Variants in EPB41L2 observed in about 807,000 individuals in gnomAD.
The protein encoded by EPB41L2 is erythrocyte membrane protein band 4.1 like 2.
Under a neutral mutation model 113.0 loss-of-function variants are expected in EPB41L2, and 43 were observed. The observed-to-expected ratio is 0.38, with a 90% CI of 0.30 to 0.49. The LOEUF (loss-of-function observed/expected upper bound fraction) is 0.49, where lower values mean the gene tolerates loss of function less well. Among genes scored for constraint, EPB41L2 ranks in the 20% least tolerant of loss-of-function variants. The pLI, the probability that EPB41L2 is intolerant of heterozygous loss-of-function variation, is 0.95. For synonymous variants in EPB41L2, 442 were observed against 436.7 expected (o/e 1.01, Z -0.15); for missense variants, 1,147 against 1,223.4 (o/e 0.94, Z 0.93).
At chr6:130,965,326 G>A (rs1584030479) in intron 1 of EPB41L2, among the ~76,000 whole-genome samples, 1 of 152,092 alleles carries the variant, frequency 6.6e-6, no homozygotes, top group Non-Finnish European at 1.5e-5. Context: ...AGTTTGAAAA[G>A]CAGCCACGAT....
At chr6:130,899,460 A>G in intron 8 of EPB41L2, 31 bp downstream of exon 8, 1 of 1,577,468 alleles carries the variant, frequency 6.3e-7, no homozygotes, top group Non-Finnish European at 8.7e-7. Flanking sequence ...ACAGACTACT[A>G]TGATGCTACT....
chr6:130,908,718 G>T, intron 5 of EPB41L2, 103 bp downstream of exon 5: 1 of 808,272 alleles, frequency 1.2e-6, no homozygotes, highest in East Asian at 2.7e-5. Context: ...TTCTAAGATG[G>T]CATAAATGCA....
intron 1 of EPB41L2, among the ~76,000 whole-genome samples, chr6:130,961,864 A>C (rs1343711236): frequency 6.6e-6 from 1 of 152,240 alleles, no homozygotes; most frequent in East Asian, 1.9e-4. Context: ...AGCTTCAAAA[A>C]TGGTAGCAAG....
chr6:130,909,542 C>G (rs1798711061), intron 4 of EPB41L2, among the ~76,000 whole-genome samples: 1 of 152,174 alleles, frequency 6.6e-6, no homozygotes, highest in South Asian at 2.1e-4. Flanking sequence ...CCAGGCCAAT[C>G]AGGCAAGAGA....
At chr6:130,898,371 G>C (rs1795271165) in intron 8 of EPB41L2, among the ~76,000 whole-genome samples, 1 of 152,158 alleles carries the variant, frequency 6.6e-6, no homozygotes, top group African/African-American at 2.4e-5. Context: ...AGCTTTCCTA[G>C]AGATTTCTCA....
chr6:130,873,466 G>GT (rs34408511), intron 14 of EPB41L2, among the ~76,000 whole-genome samples: 88 of 147,816 alleles, frequency 6.0e-4, no homozygotes, highest in African/African-American at 7.7e-4. Context: ...CACTATTCAG[G>GT]TTTTTTTTTT....
At chr6:131,030,420 A>G (rs1440663715) in intron 1 of EPB41L2, among the ~76,000 whole-genome samples, 2 of 152,230 alleles carry the variant, frequency 1.3e-5, no homozygotes, top group African/African-American at 2.4e-5. Flanking sequence ...TAAAAGACTC[A>G]TATATCTTCT....
At chr6:131,002,651 T>TA (rs1405671904) in intron 1 of EPB41L2, among the ~76,000 whole-genome samples, 3 of 152,264 alleles carry the variant, frequency 2.0e-5, no homozygotes, top group Non-Finnish European at 4.4e-5. Flanking sequence ...ATGGATTTAT[T>TA]AGTTTTAATA....
intron 1 of EPB41L2, among the ~76,000 whole-genome samples, chr6:131,033,647 T>G (rs1417804852): frequency 6.6e-6 from 1 of 152,190 alleles, no homozygotes; most frequent in Non-Finnish European, 1.5e-5. Context: ...ATGAATGAAT[T>G]TTGAAAACAC....
chr6:130,971,082 T>A (rs1241087540), intron 1 of EPB41L2, among the ~76,000 whole-genome samples: 1 of 152,046 alleles, frequency 6.6e-6, no homozygotes, highest in Non-Finnish European at 1.5e-5. Context: ...TTTGTAGAGA[T>A]AGAGTCTCAC....
At chr6:130,994,916 G>A (rs1782716172) in intron 1 of EPB41L2, among the ~76,000 whole-genome samples, 1 of 152,112 alleles carries the variant, frequency 6.6e-6, no homozygotes, top group Admixed American at 6.5e-5. Context: ...ATCTACCTAT[G>A]ACCAGGAAGC....
At chr6:131,022,682 G>A (rs946558968) in intron 1 of EPB41L2, among the ~76,000 whole-genome samples, 3 of 152,152 alleles carry the variant, frequency 2.0e-5, no homozygotes, top group Non-Finnish European at 4.4e-5. Context: ...CACTGTGCCA[G>A]GTAAGTAAAC....
chr6:130,953,064 TGAAGAAACTGAGGTCTACA>T (rs1214430666), intron 3 of EPB41L2, among the ~76,000 whole-genome samples: 3 of 150,344 alleles, frequency 2.0e-5, no homozygotes, highest in Admixed American at 1.3e-4. Context: ...ATTCTACAGA[TGAAGAAACTGAGGTCTACA>T]GAGGTTGAGC....
intron 1 of EPB41L2, among the ~76,000 whole-genome samples, chr6:130,983,508 A>G (rs1584259946): frequency 6.6e-6 from 1 of 150,668 alleles, no homozygotes; most frequent in Non-Finnish European, 1.5e-5. Flanking sequence ...ACACTTGTAC[A>G]CTACTATAGA....
intron 1 of EPB41L2, among the ~76,000 whole-genome samples, chr6:130,983,147 TA>T (rs771882437): frequency 6.6e-6 from 1 of 152,182 alleles, no homozygotes; most frequent in Non-Finnish European, 1.5e-5. Context: ...TCTAGTACCA[TA>T]AAGTTCTCAA....
chr6:130,881,812 T>A (rs1009776470), intron 12 of EPB41L2: 1 of 152,104 alleles, frequency 6.6e-6, no homozygotes, highest in African/African-American at 2.4e-5. Context: ...ATACATTTGT[T>A]AAAGACAACA....
chr6:130,991,837 T>C (rs1369293738), intron 1 of EPB41L2, among the ~76,000 whole-genome samples: 1 of 152,090 alleles, frequency 6.6e-6, no homozygotes, highest in Non-Finnish European at 1.5e-5. Context: ...AAGAAAAATA[T>C]AAAAAAATAT....
chr6:131,049,310 A>G (rs1210482617), intron 1 of EPB41L2, among the ~76,000 whole-genome samples: 1 of 152,220 alleles, frequency 6.6e-6, no homozygotes, highest in African/African-American at 2.4e-5. Flanking sequence ...AGATCCAGAA[A>G]CAGTTCTAGT....
chr6:131,039,311 A>C (rs541259426), intron 1 of EPB41L2, among the ~76,000 whole-genome samples: 1 of 152,174 alleles, frequency 6.6e-6, no homozygotes, highest in Non-Finnish European at 1.5e-5. Context: ...GAACTCCTAC[A>C]TTTCCAAATT....
Sources: allele counts gnomAD v4.1 joint callset (sites outside exome capture counted in the v4.1 genomes callset), GRCh38; gene constraint gnomAD v4.1.1; transcripts MANE v1.5; gene names NCBI Gene and HGNC (gene_info 2026-07-23, HGNC 2026-07-21).